The following NAV3 variants were observed in gnomAD, a reference collection of about 807,000 sequenced individuals.
NAV3 encodes neuron navigator 3.
A neutral mutation model predicts 244.7 loss-of-function variants in NAV3; 87 were observed. The observed-to-expected ratio is 0.36, with a 90% confidence interval of 0.30 to 0.42. NAV3 has a LOEUF of 0.42. NAV3 is among the 20% of genes least tolerant of loss of function. The probability of loss-of-function intolerance (pLI) is 1.00; values close to 1 mark genes in which losing one functional copy is unlikely to be tolerated. For synonymous variants in NAV3, 1,126 were observed against 1,042.2 expected, an observed-to-expected ratio of 1.08 and a Z score of -1.55; for missense variants, 2,663 against 2,893.3, an observed-to-expected ratio of 0.92 and a Z score of 1.83.
At chr12:78,032,164 A>G (rs1213236129) in intron 9 of NAV3, among the ~76,000 whole-genome samples, 2 of 152,172 alleles carry the variant, frequency 1.3e-5, no homozygotes, top group Non-Finnish European at 2.9e-5. Context: ...TGTGAAAATC[A>G]TCCCTATTGC....
rs534955688 is a variant in NAV3 at position 77,742,507 on chromosome 12, C to CA, written c.72+170249dup. On this transcript the variant is annotated intron_variant, in intron 2 of 8. Transcript: ENST00000550042. Reference sequence around the variant, plus strand: ...GATGAACCACATAGATTAGAAATATCAAAAAAAATAAGAAAGAGTTAGGGA... The same window carrying CA: ...GATGAACCACATAGATTAGAAATATCAAAAAAAAATAAGAAAGAGTTAGGGA... Among the ~76,000 whole-genome samples, 367 of 150,260 alleles carry CA rather than the reference C, an allele frequency of 2.4e-3. 2 individuals carry two copies. Among genetic ancestry groups the CA allele is most frequent in the African/African-American group, 8.5e-3 (345 of 40,780 alleles).
chr12:77,946,347 C>A (rs778473454), intron 3 of NAV3, among the ~76,000 whole-genome samples: 2 of 151,334 alleles, frequency 1.3e-5, no homozygotes, highest in Non-Finnish European at 2.9e-5. Flanking sequence ...ATAATCCCAA[C>A]AACAATTCTT....
intron 2 of NAV3, among the ~76,000 whole-genome samples, chr12:77,754,881 C>T (rs191890683): frequency 9.3e-4 from 141 of 152,140 alleles, no homozygotes; most frequent in Non-Finnish European, 1.7e-3. Context: ...CAGTTTTATA[C>T]TAAAACCAAG....
Position 77,725,179 on chromosome 12 carries a change from A to G in NAV3, c.72+152913A>G, listed in dbSNP as rs117854615. On this transcript the variant is annotated intron_variant, in intron 2 of 8. Coordinates refer to the NAV3 transcript ENST00000550042. ...TTTTCTTTTCCATTTGGGAAATACA[A>G]CATGCTTCCCAGATTCCAAATTTCA... Among the ~76,000 whole-genome samples the G allele has an allele frequency of 5.0e-4, 76 of 152,096 alleles. No individual in the cohort carries two copies. The East Asian group carries it at 0.013, about 26-fold the overall frequency.
chr12:77,999,045 A>C (rs1212563379), intron 7 of NAV3, among the ~76,000 whole-genome samples: 1 of 152,198 alleles, frequency 6.6e-6, no homozygotes, highest in Non-Finnish European at 1.5e-5. Flanking sequence ...AAGGACATTA[A>C]ATGAAAGTGT....
chr12:78,091,079 A>T (rs1291280918), intron 12 of NAV3, among the ~76,000 whole-genome samples: 1 of 151,978 alleles, frequency 6.6e-6, no homozygotes. Context: ...ATTCCAAAGT[A>T]TGTAGTTTAC....
chr12:78,176,345 T>C, intron 25 of NAV3, 94 bp from the exon 26 acceptor site: 1 of 1,212,058 alleles, frequency 8.3e-7, no homozygotes, highest in Non-Finnish European at 1.2e-6. Context: ...TATCTTTTTA[T>C]CTTAAAAAAT....
In NAV3 at chr12:78,118,017, GT is replaced by G. The variant is rs1566157742; in HGVS notation, c.2770-9del. 1 of 1,544,604 alleles carries G rather than the reference GT, an allele frequency of 6.5e-7. No homozygotes were observed. The highest frequency in any genetic ancestry group is 2.0e-5 in the Admixed American group (1 of 49,380). On this transcript the variant is annotated splice_polypyrimidine_tract_variant and intron_variant, in intron 13 of 39. Transcript: ENST00000397909. ...TACATAAAGTTTTTCTGTAATATTT[GT>G]CTTTATAGCTGAGGACAGATTCAGA...
Position 77,831,724 on chromosome 12 carries a change from T to C in NAV3, c.243+20T>C. 6.3e-7 allele frequency: 1 copy of C among 1,577,172 alleles called. No homozygotes were observed. Among genetic ancestry groups the C allele is most frequent in the South Asian group, 1.2e-5 (1 of 84,066 alleles). On this transcript the variant is annotated intron_variant, in intron 1 of 39. Transcript: ENST00000397909. ...AGCAAGGTTAGTTGCTGAAGTTACC[T>C]GCAGACTTGTGTAGCTAAAATGCAC...
At chr12:77,740,540 T>C (rs896037687) in intron 2 of NAV3, among the ~76,000 whole-genome samples, 5 of 152,106 alleles carry the variant, frequency 3.3e-5, no homozygotes, top group South Asian at 2.1e-4. Context: ...GTAAACATTA[T>C]AGTTCACAAA....
intron 32 of NAV3, 70 bp downstream of exon 32, chr12:78,188,413 A>C: frequency 7.5e-7 from 1 of 1,336,878 alleles, no homozygotes. Flanking sequence ...CCATAACTTC[A>C]ATAGCAGAGA....
In NAV3 at chr12:77,870,525, G is replaced by A. The variant is rs370297091; in HGVS notation, c.243+38821G>A. Among the ~76,000 whole-genome samples the A allele has an allele frequency of 1.1e-4, 16 of 152,158 alleles. No individual in the cohort carries two copies. The South Asian group carries it at 2.9e-3, about 28-fold the overall frequency. ...TGTTTTTTATTAGTTAGACATTTAG[G>A]AATCGGGATAAAAGAGAAATACTGG... On this transcript the variant is annotated intron_variant, in intron 1 of 39. Coordinates refer to ENST00000397909, the MANE Select transcript of NAV3 (RefSeq NM_001024383.2).
intron 12 of NAV3, among the ~76,000 whole-genome samples, chr12:78,083,564 T>C (rs112964203): frequency 5.3e-5 from 8 of 152,312 alleles, no homozygotes; most frequent in African/African-American, 1.4e-4. Flanking sequence ...CACTGACCCA[T>C]AGCCTCACTT....
chr12:77,781,187 C>T (rs1176930247), intron 2 of NAV3, among the ~76,000 whole-genome samples: 1 of 152,138 alleles, frequency 6.6e-6, no homozygotes, highest in African/African-American at 2.4e-5. Flanking sequence ...GCCTCCCAAC[C>T]ATCTGAATGG....
In NAV3 at chr12:77,925,913, A is replaced by T. The variant is rs188688171; in HGVS notation, c.244-14406A>T. Among the ~76,000 whole-genome samples, 60 of 152,326 alleles carry T rather than the reference A, an allele frequency of 3.9e-4. No individual in the cohort carries two copies. The South Asian group carries it at 5.0e-3, about 13-fold the overall frequency. ...ATTTTCAGGTATTTATGAAAATAGG[A>T]TGCCCTCTAGTGGGGATCAACAGAA... On this transcript the variant is annotated intron_variant, in intron 1 of 39. Coordinates refer to ENST00000397909, the MANE Select transcript of NAV3 (RefSeq NM_001024383.2).
intron 2 of NAV3, among the ~76,000 whole-genome samples, chr12:77,817,735 G>A (rs1872575988): frequency 6.6e-6 from 1 of 151,990 alleles, no homozygotes; most frequent in African/African-American, 2.4e-5. Flanking sequence ...GTCACCATAT[G>A]CTCGTTATGT....
At chr12:77,777,005 T>C (rs1870395627) in intron 2 of NAV3, among the ~76,000 whole-genome samples, 1 of 152,198 alleles carries the variant, frequency 6.6e-6, no homozygotes, top group Non-Finnish European at 1.5e-5. Flanking sequence ...CAGTGAAATA[T>C]TGTATAGTAA....
chr12:78,039,255 G>A (rs1372742821), intron 9 of NAV3, among the ~76,000 whole-genome samples: 2 of 151,992 alleles, frequency 1.3e-5, no homozygotes, highest in African/African-American at 2.4e-5. Context: ...TTTCTACCAC[G>A]TGCTTCAATA....
At chr12:77,705,652 G>A (rs1875761502) in intron 2 of NAV3, among the ~76,000 whole-genome samples, 1 of 151,358 alleles carries the variant, frequency 6.6e-6, no homozygotes, top group Non-Finnish European at 1.5e-5. Flanking sequence ...TGGCATATTA[G>A]TTGATTTCGC....
Sources: allele counts gnomAD v4.1 joint callset (sites outside exome capture counted in the v4.1 genomes callset), GRCh38; gene constraint gnomAD v4.1.1; transcripts MANE v1.5; gene names NCBI Gene and HGNC (gene_info 2026-07-23, HGNC 2026-07-21).